Variants in MACROD2 observed in about 807,000 individuals in gnomAD.
MACROD2 encodes the protein ADP-ribose glycohydrolase MACROD2.
MACROD2 carries 36 observed loss-of-function variants against 70.4 expected under a neutral mutation model. That is an observed-to-expected ratio of 0.51 (90% CI 0.39 to 0.68). The LOEUF is 0.68. Among genes scored for constraint, MACROD2 ranks in the 30% least tolerant of loss-of-function variants. MACROD2 has a pLI of 0.00. For synonymous variants in MACROD2, 172 were observed against 178.8 expected (o/e 0.96, Z 0.30); for missense variants, 496 against 538.4 (o/e 0.92, Z 0.78).
intron 2 of MACROD2, among the ~76,000 whole-genome samples, chr20:14,083,766 A>T (rs2054032442): frequency 6.6e-6 from 1 of 151,982 alleles, no homozygotes; most frequent in Non-Finnish European, 1.5e-5. Context: ...TACTACAACC[A>T]GTGAGTATTT....
chr20:14,326,788 G>A lies in MACROD2; in HGVS notation c.272-166691G>A, dbSNP rs1418962449. On this transcript the variant is annotated intron_variant, in intron 3 of 17. Transcript: ENST00000684519. The surrounding 1 kb of genome is among the most constrained non-coding windows in gnomAD (Gnocchi z 5.5). ...GTTTGTGCCTGGAAGGTTTACTGGT[G>A]CAGCAGTCAGGGAATTCCGCACCAG... The A allele has an allele frequency of 3.1e-6, 5 of 1,613,788 alleles. No homozygotes were observed. The highest frequency in any genetic ancestry group is 4.2e-6 in the Non-Finnish European group (5 of 1,179,818).
intron 5 of MACROD2, among the ~76,000 whole-genome samples, chr20:14,766,134 G>GGT (rs11473835): frequency 0.41 from 61,359 of 151,228 alleles, 13,764 homozygotes; most frequent in Non-Finnish European, 0.51. Context: ...TATTTAAAAT[G>GGT]GTGTGTGTGT....
chr20:14,999,867 G>A (rs1600929434), intron 5 of MACROD2, among the ~76,000 whole-genome samples: 1 of 152,176 alleles, frequency 6.6e-6, no homozygotes, highest in South Asian at 2.1e-4. Context: ...AATTTTGTAT[G>A]CAATATGGGT....
intron 3 of MACROD2, among the ~76,000 whole-genome samples, chr20:14,287,023 C>T (rs900735582): frequency 1.3e-5 from 2 of 152,094 alleles, no homozygotes; most frequent in South Asian, 2.1e-4. Context: ...TTCTTTTCTC[C>T]TCATCCTGAC....
At chr20:14,527,549 A>C (rs1568655095) in intron 4 of MACROD2, among the ~76,000 whole-genome samples, 2 of 152,168 alleles carry the variant, frequency 1.3e-5, no homozygotes, top group Non-Finnish European at 2.9e-5. Context: ...CCACAAATAA[A>C]AGATGCATCA....
chr20:15,248,827 C>T lies in MACROD2; in HGVS notation c.540+18766C>T, dbSNP rs139421842. 2.1e-3 allele frequency among the ~76,000 whole-genome samples: 326 copies of T among 152,184 alleles called. 1 individual carries two copies. Among genetic ancestry groups the T allele is most frequent in the African/African-American group, 7.5e-3 (311 of 41,518 alleles). On this transcript the variant is annotated intron_variant, in intron 6 of 17. Transcript: ENST00000684519. ...TCATCTCTTGCAGTCCTGTAGACAC[C>T]CCCTCCCCCACAAGAACTCTCATAT...
At chr20:14,317,311 T>C (rs2082621103) in intron 3 of MACROD2, among the ~76,000 whole-genome samples, 1 of 152,178 alleles carries the variant, frequency 6.6e-6, no homozygotes, top group Non-Finnish European at 1.5e-5. Context: ...TATATTCCTT[T>C]GAGTTTTGTT....
chr20:15,795,276 C>T (rs545084936), intron 8 of MACROD2, among the ~76,000 whole-genome samples: 2 of 152,048 alleles, frequency 1.3e-5, no homozygotes, highest in South Asian at 4.2e-4. Context: ...CCACAGGTTA[C>T]TATAAGTCAT....
chr20:14,953,883 G>A (rs1456543202), intron 5 of MACROD2, among the ~76,000 whole-genome samples: 1 of 152,092 alleles, frequency 6.6e-6, no homozygotes, highest in African/African-American at 2.4e-5. Flanking sequence ...TGCCTACCAT[G>A]TATCTGACAA....
intron 15 of MACROD2, among the ~76,000 whole-genome samples, chr20:16,026,148 C>T (rs928154315): frequency 2.1e-5 from 3 of 142,196 alleles, no homozygotes; most frequent in African/African-American, 7.6e-5. Flanking sequence ...AGCAAAACTC[C>T]ATCTCAAAAA....
chr20:15,166,222 GT>G (rs2145881110), intron 5 of MACROD2, among the ~76,000 whole-genome samples: 1 of 152,222 alleles, frequency 6.6e-6, no homozygotes, highest in Non-Finnish European at 1.5e-5. Context: ...GACTGAATGT[GT>G]ACTTCCAAAA....
At chr20:15,411,131 G>A (rs1276099194) in intron 6 of MACROD2, among the ~76,000 whole-genome samples, 24 of 126,350 alleles carry the variant, frequency 1.9e-4, no homozygotes, top group Non-Finnish European at 8.6e-5. Flanking sequence ...TTAATTAATT[G>A]CCACCAGGAT....
chr20:14,125,528 A>G (rs965754690), intron 3 of MACROD2, among the ~76,000 whole-genome samples: 4 of 152,170 alleles, frequency 2.6e-5, no homozygotes, highest in African/African-American at 7.2e-5. Flanking sequence ...TAGAATCACC[A>G]TAATTGTACC....
At chr20:15,805,116 A>C (rs2063757447) in intron 8 of MACROD2, among the ~76,000 whole-genome samples, 1 of 152,122 alleles carries the variant, frequency 6.6e-6, no homozygotes, top group Admixed American at 6.5e-5. Context: ...TTTATACTTA[A>C]ATCTGTGTCT....
intron 5 of MACROD2, among the ~76,000 whole-genome samples, chr20:15,044,548 A>G (rs1448827025): frequency 6.6e-6 from 1 of 152,042 alleles, no homozygotes; most frequent in Non-Finnish European, 1.5e-5. Context: ...GACTGTCTCA[A>G]TGGACTTCTC....
At chr20:15,994,192 G>A (rs142969522) in intron 15 of MACROD2, among the ~76,000 whole-genome samples, 1 of 152,314 alleles carries the variant, frequency 6.6e-6, no homozygotes, top group East Asian at 1.9e-4. Context: ...ATCTGAGGTT[G>A]TAGTTTACTT....
chr20:15,304,128 A>G (rs2077673256), intron 6 of MACROD2, among the ~76,000 whole-genome samples: 2 of 151,974 alleles, frequency 1.3e-5, no homozygotes, highest in African/African-American at 4.8e-5. Flanking sequence ...TCTATTTCTT[A>G]TCTAGTAACT....
intron 5 of MACROD2, among the ~76,000 whole-genome samples, chr20:15,006,287 T>C (rs978552980): frequency 2.0e-5 from 3 of 151,784 alleles, no homozygotes; most frequent in African/African-American, 4.8e-5. Flanking sequence ...CTCACTTTAA[T>C]GTGGAATTTT....
At chr20:15,613,187 ATGT>A (rs1340686195) in intron 8 of MACROD2, among the ~76,000 whole-genome samples, 1 of 152,164 alleles carries the variant, frequency 6.6e-6, no homozygotes, top group Non-Finnish European at 1.5e-5. Context: ...TGAACTCTTC[ATGT>A]TGATAGGCAG....
Sources: gnomAD v4.1 joint callset for allele counts (sites outside exome capture counted in the v4.1 genomes callset) on GRCh38, gnomAD v4.1.1 for gene constraint, Gnocchi (gnomAD v3.1) non-coding constraint, MANE v1.5 for transcripts, NCBI Gene and HGNC (gene_info 2026-07-23, HGNC 2026-07-21) for gene names.